Variants in MDGA2 observed in about 807,000 individuals in gnomAD.
MDGA2 encodes MAM domain containing glycosylphosphatidylinositol anchor 2.
A neutral mutation model predicts 117.8 loss-of-function variants in MDGA2; 40 were observed. The observed-to-expected ratio is 0.34, with a 90% CI of 0.26 to 0.44. MDGA2 has a LOEUF of 0.44. Among genes scored for constraint, MDGA2 ranks in the 20% least tolerant of loss-of-function variants. The pLI is 1.00. For missense variants in MDGA2, 1,123 were observed against 1,250.6 expected (o/e 0.90, Z 1.54); for synonymous variants, 452 against 439.0 (o/e 1.03, Z -0.37).
At chr14:46,909,294 T>A (rs937210431) in intron 10 of MDGA2, among the ~76,000 whole-genome samples, 2 of 152,218 alleles carry the variant, frequency 1.3e-5, no homozygotes, top group African/African-American at 4.8e-5. Flanking sequence ...AATCAAATAT[T>A]GCTGTTCAGA....
intron 1 of MDGA2, among the ~76,000 whole-genome samples, chr14:47,608,001 A>T (rs1424400277): frequency 6.6e-6 from 1 of 152,120 alleles, no homozygotes; most frequent in African/African-American, 2.4e-5. Context: ...ATAATAAAAA[A>T]TACAAAGCTC....
intron 2 of MDGA2, among the ~76,000 whole-genome samples, chr14:47,288,395 A>G (rs1888762163): frequency 1.3e-5 from 2 of 152,152 alleles, no homozygotes; most frequent in African/African-American, 4.8e-5. Flanking sequence ...GTATCGTATC[A>G]ACACAAAAAA....
chr14:47,117,869 G>A (rs1201709436), intron 5 of MDGA2, among the ~76,000 whole-genome samples: 3 of 152,030 alleles, frequency 2.0e-5, no homozygotes, highest in Non-Finnish European at 4.4e-5. Context: ...AATGTACTGT[G>A]CACTTAAAAC....
intron 8 of MDGA2, among the ~76,000 whole-genome samples, chr14:46,980,581 G>A (rs1886633572): frequency 6.6e-6 from 1 of 152,146 alleles, no homozygotes; most frequent in South Asian, 2.1e-4. Context: ...ATCATGACAT[G>A]CTACAGATAA....
At chr14:47,547,383 G>A (rs1895484678) in intron 1 of MDGA2, among the ~76,000 whole-genome samples, 1 of 152,162 alleles carries the variant, frequency 6.6e-6, no homozygotes, top group Non-Finnish European at 1.5e-5. Flanking sequence ...CACTGTTGGT[G>A]CTCAACAGAA....
At chr14:47,384,884 T>C (rs1262063736) in intron 1 of MDGA2, among the ~76,000 whole-genome samples, 3 of 152,202 alleles carry the variant, frequency 2.0e-5, no homozygotes, top group Admixed American at 6.5e-5. Context: ...AATACAAAGA[T>C]AGCTGAGCCT....
chr14:46,920,227 T>G, intron 9 of MDGA2, 67 bp from the exon 10 acceptor site: 2 of 1,431,484 alleles, frequency 1.4e-6, no homozygotes, highest in Non-Finnish European at 1.9e-6. Context: ...CTTATTCCCT[T>G]TGGCCCTTTT....
intron 3 of MDGA2, among the ~76,000 whole-genome samples, chr14:47,148,275 G>A (rs951437654): frequency 3.3e-5 from 5 of 152,090 alleles, no homozygotes; most frequent in African/African-American, 1.2e-4. Flanking sequence ...CCAGAGTTGC[G>A]GGAAGGAAAG....
chr14:47,498,753 G>A (rs1310752502), intron 1 of MDGA2, among the ~76,000 whole-genome samples: 2 of 151,980 alleles, frequency 1.3e-5, no homozygotes, highest in Non-Finnish European at 2.9e-5. Flanking sequence ...AAAATATTAG[G>A]AAAAAATATT....
chr14:47,294,316 C>T (rs551390006), intron 2 of MDGA2, among the ~76,000 whole-genome samples: 27 of 151,914 alleles, frequency 1.8e-4, no homozygotes, highest in Middle Eastern at 3.4e-3. Context: ...AGGCTGGTCT[C>T]GAACTCCTGA....
intron 1 of MDGA2, among the ~76,000 whole-genome samples, chr14:47,396,608 C>T (rs533370077): frequency 6.6e-6 from 1 of 152,236 alleles, no homozygotes; most frequent in African/African-American, 2.4e-5. Context: ...GGGTTAATAT[C>T]CAGAATCTAC....
At chr14:47,234,689 C>T (rs1200725993) in intron 2 of MDGA2, among the ~76,000 whole-genome samples, 2 of 152,108 alleles carry the variant, frequency 1.3e-5, no homozygotes, top group Non-Finnish European at 2.9e-5. Flanking sequence ...ATTTTTGCCT[C>T]ACCTAATACA....
Position 47,665,431 on chromosome 14 carries a change from C to T in MDGA2, c.280+9086G>A, listed in dbSNP as rs145533587. Among the ~76,000 whole-genome samples the T allele has an allele frequency of 6.6e-3, 1,001 of 152,332 alleles. 8 individuals carry two copies. The highest frequency in any genetic ancestry group is 0.023 in the African/African-American group (945 of 41,584). ...TTACTCTCTGTACCCATTCTGGCCA[C>T]GCTTGAGGAGCCCTTCAGTCCGCCG... is the stretch of plus-strand genomic sequence containing the variant. On this transcript the variant is annotated intron_variant, in intron 1 of 16. Transcript: ENST00000399232.
At chr14:47,634,525 T>G (rs1897293045) in intron 1 of MDGA2, among the ~76,000 whole-genome samples, 1 of 152,146 alleles carries the variant, frequency 6.6e-6, no homozygotes, top group South Asian at 2.1e-4. Flanking sequence ...ATTAATGTTG[T>G]CTGTTCTAAA....
intron 1 of MDGA2, among the ~76,000 whole-genome samples, chr14:47,542,919 A>G (rs1372781326): frequency 6.6e-6 from 1 of 152,238 alleles, no homozygotes; most frequent in East Asian, 1.9e-4. Flanking sequence ...ATTAGAAAAT[A>G]GATGTATAGG....
chr14:47,232,324 G>A (rs1594742461), intron 2 of MDGA2, among the ~76,000 whole-genome samples: 1 of 151,750 alleles, frequency 6.6e-6, no homozygotes, highest in East Asian at 1.9e-4. Context: ...ACCTTGGTAG[G>A]GAGAGTTACT....
chr14:46,966,521 C>G (rs1003509092), intron 8 of MDGA2, among the ~76,000 whole-genome samples: 1 of 152,094 alleles, frequency 6.6e-6, no homozygotes, highest in Non-Finnish European at 1.5e-5. Context: ...AGTATTACAA[C>G]AAAACTACTA....
In MDGA2 at chr14:46,884,877, C is replaced by T. The variant is rs572799756; in HGVS notation, c.2239-2656G>A. On this transcript the variant is annotated intron_variant, in intron 10 of 16. Transcript: ENST00000399232. This position sits in a 1 kb window ranked among gnomAD's most constrained non-coding sequence, Gnocchi z 4.1. ...TTTTGTTTTTTTTCTGAGACAGTCT[C>T]GCTCTGTCACCTAGGCTGGAGTACA... 1.3e-5 allele frequency among the ~76,000 whole-genome samples: 2 copies of T among 151,228 alleles called. No individual in the cohort carries two copies. Among genetic ancestry groups the T allele is most frequent in the South Asian group, 2.1e-4 (1 of 4,792 alleles).
At position 47,522,516 on chromosome 14, in the gene MDGA2, T is replaced by A. The variant is rs116405078; in HGVS notation, c.280+152001A>T. On this transcript the variant is annotated intron_variant, in intron 1 of 16. Coordinates refer to ENST00000399232, the MANE Select transcript of MDGA2 (RefSeq NM_001113498.3). ...TTTGCTACCATCTGACCACAGAGAA[T>A]GTCTGAAACTGTAAAGTTAGAACAA... Among the ~76,000 whole-genome samples, 1,457 of 152,132 alleles carry A rather than the reference T, an allele frequency of 9.6e-3. 24 individuals are homozygous for A. Among genetic ancestry groups the A allele is most frequent in the African/African-American group, 0.034 (1,394 of 41,512 alleles).
Sources: allele counts gnomAD v4.1 joint callset (sites outside exome capture counted in the v4.1 genomes callset), GRCh38; gene constraint gnomAD v4.1.1; non-coding constraint Gnocchi (gnomAD v3.1); transcripts MANE v1.5; gene names NCBI Gene and HGNC (gene_info 2026-07-23, HGNC 2026-07-21).